FRMD5: variants seen among roughly 807,000 people sequenced by gnomAD.
FRMD5 encodes FERM domain containing 5.
FRMD5 carries 20 observed loss-of-function variants against 69.0 expected under a neutral mutation model. That is an observed-to-expected ratio of 0.29 (90% CI 0.20 to 0.42). The LOEUF (loss-of-function observed/expected upper bound fraction) is 0.42. Ranked by LOEUF, FRMD5 falls within the 10% of genes least tolerant of loss-of-function variation. The pLI, the probability that FRMD5 is intolerant of heterozygous loss-of-function variation, is 1.00. For synonymous variants in FRMD5, 271 were observed against 260.1 expected (o/e 1.04, Z -0.40); for missense variants, 595 against 708.6 (o/e 0.84, Z 1.82).
intron 1 of FRMD5, among the ~76,000 whole-genome samples, chr15:44,159,289 T>G (rs996185521): frequency 5.3e-5 from 8 of 152,034 alleles, no homozygotes; most frequent in Non-Finnish European, 1.0e-4. Context: ...CCACATAAGG[T>G]ATCTGTGGAG....
chr15:44,076,516 C>T (rs527862787), intron 1 of FRMD5, among the ~76,000 whole-genome samples: 2 of 150,034 alleles, frequency 1.3e-5, no homozygotes, highest in Admixed American at 6.7e-5. Context: ...AGTAAACTAT[C>T]GCAAGAACAA....
chr15:44,079,242 T>C (rs1893896728), intron 1 of FRMD5, among the ~76,000 whole-genome samples: 1 of 152,004 alleles, frequency 6.6e-6, no homozygotes, highest in Non-Finnish European at 1.5e-5. Context: ...TTTGGATGAC[T>C]ATTATCAAAA....
At chr15:44,152,614 T>TAA (rs1173385952) in intron 1 of FRMD5, among the ~76,000 whole-genome samples, 1 of 152,232 alleles carries the variant, frequency 6.6e-6, no homozygotes, top group Non-Finnish European at 1.5e-5. Flanking sequence ...TAATCTCTGG[T>TAA]AACACTTGGC....
intron 1 of FRMD5, among the ~76,000 whole-genome samples, chr15:44,073,919 A>G (rs1257966655): frequency 6.6e-6 from 1 of 152,244 alleles, no homozygotes; most frequent in Non-Finnish European, 1.5e-5. Context: ...ATAATACAGT[A>G]TTTGTTAAAT....
At chr15:44,172,246 A>G (rs2077817593) in intron 1 of FRMD5, among the ~76,000 whole-genome samples, 1 of 149,692 alleles carries the variant, frequency 6.7e-6, no homozygotes, top group South Asian at 2.1e-4. Flanking sequence ...GTGCACCACC[A>G]TATTTGGCTT....
chr15:44,011,379 T>A (rs1595621331), intron 1 of FRMD5, among the ~76,000 whole-genome samples: 1 of 152,264 alleles, frequency 6.6e-6, no homozygotes, highest in East Asian at 1.9e-4. Context: ...TCCAGGCAAC[T>A]AACTGTTGTG....
chr15:44,006,110 T>G (rs551882815), intron 1 of FRMD5, among the ~76,000 whole-genome samples: 27 of 152,218 alleles, frequency 1.8e-4, no homozygotes, highest in African/African-American at 6.5e-4. Context: ...TGACTCAGAT[T>G]AAAGGATAAT....
intron 1 of FRMD5, among the ~76,000 whole-genome samples, chr15:44,027,651 GTTTTTTTTTTTT>G (rs759567597): frequency 1.4e-5 from 1 of 73,950 alleles, no homozygotes. Context: ...TTTTTTTTTT[GTTTTTTTTTTTT>G]TTTCCGAGAC....
chr15:44,107,020 AC>A (rs2076729676), intron 1 of FRMD5, among the ~76,000 whole-genome samples: 1 of 152,098 alleles, frequency 6.6e-6, no homozygotes, highest in South Asian at 2.1e-4. Flanking sequence ...TTAATAAATA[AC>A]CCTTAGCATT....
rs1567199010 is a variant in FRMD5, at chr15:43,872,961, G to GTAACT, written c.*919_*923dup. On this transcript the variant is annotated 3_prime_UTR_variant, in exon 14 of 14. Transcript: ENST00000417257. Reference sequence around the variant, plus strand: ...TATCCAAATCTCAACAGTCTCTCAGGTAACTTAACTCTGCTTTCTCTTAAC... The same window carrying GTAACT: ...TATCCAAATCTCAACAGTCTCTCAGGTAACTTAACTTAACTCTGCTTTCTCTTAAC... 1 of 527,090 alleles carries GTAACT rather than the reference G, an allele frequency of 1.9e-6. No individual in the cohort carries two copies. Among genetic ancestry groups the GTAACT allele is most frequent in the Non-Finnish European group, 3.3e-6 (1 of 300,378 alleles). The allele number at this position is 527,090 out of a possible 1,614,324, so 32.7% of individuals were successfully genotyped here.
At chr15:43,915,774 C>T (rs1012844259) in intron 4 of FRMD5, among the ~76,000 whole-genome samples, 1 of 152,188 alleles carries the variant, frequency 6.6e-6, no homozygotes, top group African/African-American at 2.4e-5. Context: ...CCCCTTCTCT[C>T]AGCCTGGCTT....
chr15:44,083,887 T>C (rs1168933482), intron 1 of FRMD5, among the ~76,000 whole-genome samples: 3 of 152,058 alleles, frequency 2.0e-5, no homozygotes, highest in Admixed American at 6.6e-5. Context: ...GTAAAGCTTG[T>C]CATTTGTACT....
At chr15:43,990,867 C>G (rs1889641974) in intron 1 of FRMD5, among the ~76,000 whole-genome samples, 1 of 152,188 alleles carries the variant, frequency 6.6e-6, no homozygotes, top group African/African-American at 2.4e-5. Flanking sequence ...ATGACTTTTA[C>G]ATAAGGGATA....
At chr15:43,929,105 T>G (rs1341173742) in intron 1 of FRMD5, among the ~76,000 whole-genome samples, 1 of 152,198 alleles carries the variant, frequency 6.6e-6, no homozygotes, top group African/African-American at 2.4e-5. Context: ...TTCATGAGCC[T>G]CTTGGAATCA....
chr15:44,122,458 C>T (rs1204959885), intron 1 of FRMD5, among the ~76,000 whole-genome samples: 1 of 151,884 alleles, frequency 6.6e-6, no homozygotes, highest in Non-Finnish European at 1.5e-5. Context: ...CCCAGGTGCA[C>T]TTGGGCTGTA....
At chr15:43,924,331 T>C (rs752541337) in intron 1 of FRMD5, 22 bp from the exon 2 acceptor site, 8 of 1,574,732 alleles carry the variant, frequency 5.1e-6, no homozygotes, top group Admixed American at 1.7e-5. Flanking sequence ...GAAAACTCCA[T>C]TGAGAAATGA....
intron 1 of FRMD5, among the ~76,000 whole-genome samples, chr15:44,084,118 T>C (rs912610997): frequency 2.0e-5 from 3 of 152,040 alleles, no homozygotes; most frequent in Non-Finnish European, 4.4e-5. Context: ...TATTTGACCT[T>C]GGGCAATGTT....
chr15:43,970,044 G>T (rs72716049), intron 1 of FRMD5, among the ~76,000 whole-genome samples: 4,344 of 152,240 alleles, frequency 0.029, 78 homozygotes, highest in Non-Finnish European at 0.046. Flanking sequence ...ATCACAAAAG[G>T]GAGGATAGAA....
At chr15:43,892,604 A>T (rs1479202083) in intron 7 of FRMD5, among the ~76,000 whole-genome samples, 1 of 152,248 alleles carries the variant, frequency 6.6e-6, no homozygotes, top group African/African-American at 2.4e-5. Flanking sequence ...TAAAGTTTCC[A>T]TTAACTGATA....
Sources: gnomAD v4.1 joint callset for allele counts (sites outside exome capture counted in the v4.1 genomes callset) on GRCh38, gnomAD v4.1.1 for gene constraint, MANE v1.5 for transcripts, NCBI Gene and HGNC (gene_info 2026-07-23, HGNC 2026-07-21) for gene names.